The following SLC44A1 variants were observed in gnomAD, a reference collection of about 807,000 sequenced individuals.
SLC44A1 encodes the protein solute carrier family 44 member 1.
SLC44A1 carries 26 observed loss-of-function variants against 79.3 expected under a neutral mutation model. The ratio of observed to expected loss-of-function variants is 0.33; its 90% CI spans 0.24 to 0.46. The LOEUF (loss-of-function observed/expected upper bound fraction) is 0.46, where lower values mean the gene tolerates loss of function less well. Among genes scored for constraint, SLC44A1 ranks in the 20% least tolerant of loss-of-function variants. The pLI is 1.00. For synonymous variants in SLC44A1, 263 were observed against 286.2 expected (o/e 0.92, Z 0.82); for missense variants, 688 against 798.1 (o/e 0.86, Z 1.66).
intron 5 of SLC44A1, 38 bp downstream of exon 5, chr9:105,348,489 G>T: frequency 8.3e-7 from 1 of 1,204,370 alleles, no homozygotes; most frequent in South Asian, 1.2e-5. Flanking sequence ...TGTGACTGTT[G>T]TTTTTGTAGG....
chr9:105,350,887 GT>G (rs1390549792), intron 5 of SLC44A1, among the ~76,000 whole-genome samples: 1 of 152,180 alleles, frequency 6.6e-6, no homozygotes, highest in African/African-American at 2.4e-5. Flanking sequence ...AGCAGCACCT[GT>G]TTTAGAGAAA....
intron 3 of SLC44A1, among the ~76,000 whole-genome samples, chr9:105,313,042 T>C (rs976961006): frequency 6.6e-6 from 1 of 152,196 alleles, no homozygotes; most frequent in African/African-American, 2.4e-5. Context: ...CTCCCACTGT[T>C]CCTCAGTGTG....
chr9:105,396,540 G>A lies in SLC44A1; in HGVS notation c.*7484G>A, dbSNP rs908246256. On this transcript the variant is annotated 3_prime_UTR_variant, in exon 16 of 16. Transcript: ENST00000374720. ...AATTTAAAGATCAGTCAATACAGTA[G>A]GGACCTGCTATTGATCTCTCAGGCA... 2 of 985,250 alleles carry A rather than the reference G, an allele frequency of 2.0e-6. No homozygotes were observed. The highest frequency in any genetic ancestry group is 2.4e-6 in the Non-Finnish European group (2 of 829,890). The allele number at this position is 985,250 out of a possible 1,614,324, so 61.0% of individuals were successfully genotyped here.
intron 1 of SLC44A1, among the ~76,000 whole-genome samples, chr9:105,275,598 A>G (rs1192408663): frequency 6.6e-6 from 1 of 152,178 alleles, no homozygotes; most frequent in Non-Finnish European, 1.5e-5. Context: ...AAATATTCTC[A>G]AAGTTTTAAA....
chr9:105,295,593 A>G (rs1346577156), intron 1 of SLC44A1, among the ~76,000 whole-genome samples: 2 of 152,318 alleles, frequency 1.3e-5, no homozygotes, highest in Admixed American at 1.3e-4. Context: ...CTCATAACAC[A>G]TCTCACTTGC....
At chr9:105,284,247 T>C (rs537683839) in intron 1 of SLC44A1, among the ~76,000 whole-genome samples, 371 of 142,122 alleles carry the variant, frequency 2.6e-3, no homozygotes, top group Non-Finnish European at 4.3e-3. Context: ...TTTTTTTTTT[T>C]AAGAGATAGG....
rs137981936 is a variant in SLC44A1 at position 105,373,921 on chromosome 9, G to A, written c.1495-677G>A. ...CACCAATTCTGAACCAATCATTGTG[G>A]CCAGTAGGTATAGTATGCTAATTGG... On this transcript the variant is annotated intron_variant, in intron 12 of 15. Transcript: ENST00000374720. Among the ~76,000 whole-genome samples, 315 of 152,272 alleles carry A rather than the reference G, an allele frequency of 2.1e-3. 1 individual carries two copies. The highest frequency in any genetic ancestry group is 7.4e-3 in the African/African-American group (308 of 41,536).
chr9:105,299,928 C>A, intron 2 of SLC44A1: 1 of 985,484 alleles, frequency 1.0e-6, no homozygotes, highest in Non-Finnish European at 1.2e-6. Flanking sequence ...AGCAGAGTTG[C>A]TGGTATAAGG....
Position 105,392,749 on chromosome 9 carries a change from A to G in SLC44A1, c.*3693A>G. The G allele has an allele frequency of 2.0e-6, 2 of 985,424 alleles. No homozygotes were observed. Among genetic ancestry groups the G allele is most frequent in the Non-Finnish European group, 2.4e-6 (2 of 829,924 alleles). The allele number at this position is 985,424 out of a possible 1,614,324, so 61.0% of individuals were successfully genotyped here. ...CATTTTAAGAGATCTCCTAGCCTGCAAGGTAGAATTCTGGGATCAGTTCCA... is the reference window on the plus strand; with the variant it reads ...CATTTTAAGAGATCTCCTAGCCTGCGAGGTAGAATTCTGGGATCAGTTCCA... On this transcript the variant is annotated 3_prime_UTR_variant, in exon 16 of 16. Transcript: ENST00000374720.
intron 15 of SLC44A1, among the ~76,000 whole-genome samples, chr9:105,408,590 T>C (rs758792070): frequency 6.6e-5 from 10 of 152,190 alleles, no homozygotes; most frequent in Non-Finnish European, 1.5e-4. Context: ...TTGTCTTTTT[T>C]AGTAGAGACA....
chr9:105,292,612 A>C (rs1159499405), intron 1 of SLC44A1, among the ~76,000 whole-genome samples: 4 of 152,224 alleles, frequency 2.6e-5, no homozygotes, highest in African/African-American at 9.7e-5. Flanking sequence ...AGACACTGAA[A>C]GATCATTTTA....
At chr9:105,263,496 A>C (rs952799009) in intron 1 of SLC44A1, among the ~76,000 whole-genome samples, 2 of 151,918 alleles carry the variant, frequency 1.3e-5, no homozygotes, top group Admixed American at 1.3e-4. Context: ...TTCATGATTA[A>C]ATCTATGTAA....
intron 12 of SLC44A1, 118 bp downstream of exon 12, chr9:105,366,547 G>T: frequency 2.2e-6 from 1 of 454,258 alleles, no homozygotes; most frequent in Non-Finnish European, 3.8e-6. Context: ...TGTACATTGT[G>T]CCTTGATAAA....
At chr9:105,427,385 T>C (rs1829336885) in intron 15 of SLC44A1, among the ~76,000 whole-genome samples, 1 of 152,182 alleles carries the variant, frequency 6.6e-6, no homozygotes, top group African/African-American at 2.4e-5. Flanking sequence ...CTCTCAAAAT[T>C]AAGGGATTAT....
intron 15 of SLC44A1, among the ~76,000 whole-genome samples, chr9:105,388,714 G>A (rs1250340207): frequency 2.0e-5 from 3 of 152,126 alleles, no homozygotes; most frequent in African/African-American, 7.2e-5. Context: ...GTGATGAAGA[G>A]GTTTAGGAAA....
At chr9:105,372,757 C>T (rs78864610) in intron 12 of SLC44A1, among the ~76,000 whole-genome samples, 15,641 of 125,242 alleles carry the variant, frequency 0.12, 1,324 homozygotes, top group East Asian at 0.22. Context: ...GAGACCATCC[C>T]AGCTAAAACG....
intron 12 of SLC44A1, among the ~76,000 whole-genome samples, chr9:105,372,072 T>C (rs779379469): frequency 6.6e-6 from 1 of 152,178 alleles, no homozygotes; most frequent in Non-Finnish European, 1.5e-5. Context: ...CTATCTTTTA[T>C]CTGATAAGAA....
intron 12 of SLC44A1, among the ~76,000 whole-genome samples, chr9:105,369,974 T>C (rs1828050459): frequency 6.6e-6 from 1 of 152,254 alleles, no homozygotes; most frequent in Admixed American, 6.5e-5. Flanking sequence ...TCCTTCACCT[T>C]GCTCCTGGGG....
At position 105,394,443 on chromosome 9, in the gene SLC44A1, T is replaced by G. The variant is rs55874607; in HGVS notation, c.*5387T>G. On this transcript the variant is annotated 3_prime_UTR_variant, in exon 16 of 16. Transcript: ENST00000374720. ...TATGTGTGTGTGTGTGTGTGTGTGT[T>G]TGTGTGTGTGTGTGTGTGTCCTGGC... is the stretch of plus-strand genomic sequence containing the variant. The G allele has an allele frequency of 1.5e-3, 1,324 of 875,786 alleles. 2 individuals are homozygous for G. The Admixed American group carries it at 0.021, about 14-fold the overall frequency. 54.3% of individuals were successfully genotyped at this position (875,786 alleles called of 1,614,324 possible).
Sources: allele counts gnomAD v4.1 joint callset (sites outside exome capture counted in the v4.1 genomes callset), GRCh38; gene constraint gnomAD v4.1.1; transcripts MANE v1.5; gene names NCBI Gene and HGNC (gene_info 2026-07-23, HGNC 2026-07-21).